The following ARB2A variants were observed in gnomAD, a reference collection of about 807,000 sequenced individuals.
ARB2A encodes ARB2 cotranscriptional regulator A.
chr5:93,993,122 C>G, the ARB2A span, among the ~76,000 whole-genome samples: 6 of 151,960 alleles, frequency 3.9e-5, no homozygotes, highest in Admixed American at 6.6e-5. Context: ...AATGTACCTG[C>G]CATTTTATAT....
chr5:93,720,362 C>A, the ARB2A span, among the ~76,000 whole-genome samples: 1 of 152,172 alleles, frequency 6.6e-6, no homozygotes, highest in East Asian at 1.9e-4. Flanking sequence ...TTTCCATAAT[C>A]CACAATCAAA....
chr5:94,015,759 A>C, the ARB2A span, among the ~76,000 whole-genome samples: 1 of 151,982 alleles, frequency 6.6e-6, no homozygotes, highest in Admixed American at 6.6e-5. Flanking sequence ...TTTTTTTGTA[A>C]ACCTCATGAT....
chr5:93,673,708 C>T, the ARB2A span, among the ~76,000 whole-genome samples: 1 of 152,214 alleles, frequency 6.6e-6, no homozygotes, highest in African/African-American at 2.4e-5. Flanking sequence ...TCATTATTTC[C>T]TATTTATAGA....
At chr5:93,953,933 T>C in the ARB2A span, among the ~76,000 whole-genome samples, 4 of 152,116 alleles carry the variant, frequency 2.6e-5, no homozygotes, top group Non-Finnish European at 4.4e-5. Flanking sequence ...GCAAGTACAG[T>C]CTGGCTACTG....
chr5:93,881,740 A>C, the ARB2A span: 67 of 1,293,226 alleles, frequency 5.2e-5, no homozygotes, highest in African/African-American at 8.0e-4. Context: ...AATCCATTTC[A>C]ATTTTCAAAA....
At chr5:93,795,848 C>CAAAAAAA in the ARB2A span, among the ~76,000 whole-genome samples, 1 of 96,956 alleles carries the variant, frequency 1.0e-5, no homozygotes, top group Non-Finnish European at 2.2e-5. Context: ...TATTGAAAAG[C>CAAAAAAA]AAAAAAAAAA....
At chr5:94,025,456 T>C in the ARB2A span, among the ~76,000 whole-genome samples, 4 of 152,218 alleles carry the variant, frequency 2.6e-5, no homozygotes, top group African/African-American at 9.7e-5. Context: ...ATTTAACCTT[T>C]AGCTCCTAAA....
the ARB2A span, among the ~76,000 whole-genome samples, chr5:94,040,261 T>C: frequency 2.0e-5 from 3 of 152,234 alleles, no homozygotes; most frequent in Admixed American, 2.0e-4. Flanking sequence ...TCGTGGGACA[T>C]GGGGAGCTTT....
chr5:93,939,810 A>G, the ARB2A span, among the ~76,000 whole-genome samples: 1 of 152,148 alleles, frequency 6.6e-6, no homozygotes, highest in East Asian at 1.9e-4. Flanking sequence ...GTTATAGCAC[A>G]TACATTCATC....
At chr5:93,717,273 G>A in the ARB2A span, among the ~76,000 whole-genome samples, 1 of 152,132 alleles carries the variant, frequency 6.6e-6, no homozygotes. Flanking sequence ...TGTGGAAGTA[G>A]ATTAGGATGA....
At chr5:93,780,428 C>A in the ARB2A span, among the ~76,000 whole-genome samples, 1 of 152,192 alleles carries the variant, frequency 6.6e-6, no homozygotes, top group African/African-American at 2.4e-5. Context: ...AAGAGGCTGG[C>A]TTAGCATCTA....
the ARB2A span, among the ~76,000 whole-genome samples, chr5:94,000,202 G>C: frequency 1.3e-5 from 2 of 152,078 alleles, no homozygotes; most frequent in African/African-American, 4.8e-5. Flanking sequence ...TTGCTAGATT[G>C]TATGGTGAGA....
chr5:93,718,342 G>A, the ARB2A span, among the ~76,000 whole-genome samples: 1 of 152,030 alleles, frequency 6.6e-6, no homozygotes. Flanking sequence ...GGGAGGCTGA[G>A]GCAGGAGAAT....
the ARB2A span, among the ~76,000 whole-genome samples, chr5:94,086,092 C>T: frequency 6.6e-6 from 1 of 152,152 alleles, no homozygotes; most frequent in Non-Finnish European, 1.5e-5. Flanking sequence ...ATCTTGGATT[C>T]AGGGGTAAAT....
chr5:93,822,228 T>C, the ARB2A span, among the ~76,000 whole-genome samples: 25 of 152,272 alleles, frequency 1.6e-4, no homozygotes, highest in Middle Eastern at 3.4e-3. Flanking sequence ...CTGACCCTAA[T>C]AGCCTCAAGG....
At chr5:93,969,799 CTTTAA>C in the ARB2A span, among the ~76,000 whole-genome samples, 1 of 152,012 alleles carries the variant, frequency 6.6e-6, no homozygotes, top group Non-Finnish European at 1.5e-5. Context: ...TACTTCAGGT[CTTTAA>C]TTAAATAAGA....
chr5:93,795,412 T>A, the ARB2A span, among the ~76,000 whole-genome samples: 1 of 152,022 alleles, frequency 6.6e-6, no homozygotes, highest in Non-Finnish European at 1.5e-5. Context: ...AGACTCACAG[T>A]TTTTCAGCAT....
the ARB2A span, among the ~76,000 whole-genome samples, chr5:93,884,101 A>G: frequency 1.3e-5 from 2 of 151,670 alleles, no homozygotes; most frequent in Non-Finnish European, 3.0e-5. Context: ...CACTCAAGGT[A>G]AAAGAGTGGG....
the ARB2A span, among the ~76,000 whole-genome samples, chr5:94,063,378 C>G: frequency 7.8e-3 from 1,183 of 152,264 alleles, 5 homozygotes; most frequent in Non-Finnish European, 0.011. Context: ...TCCTGCCTAG[C>G]CTGTCGTACC....
Sources: gnomAD v4.1 joint callset for allele counts (sites outside exome capture counted in the v4.1 genomes callset) on GRCh38, gnomAD v4.1.1 for gene constraint, MANE v1.5 for transcripts, NCBI Gene and HGNC (gene_info 2026-07-23, HGNC 2026-07-21) for gene names.